The following RXRA variants were observed in gnomAD, a reference collection of about 807,000 sequenced individuals.
RXRA encodes retinoid X receptor alpha.
RXRA carries 5 observed loss-of-function variants against 44.5 expected under a neutral mutation model. That is an observed-to-expected ratio of 0.11 (90% CI 0.06 to 0.24). The LOEUF (loss-of-function observed/expected upper bound fraction) is 0.24. Ranked by LOEUF, RXRA falls within the 10% of genes least tolerant of loss-of-function variation. The pLI, the probability that RXRA is intolerant of heterozygous loss-of-function variation, is 1.00. For synonymous variants in RXRA, 291 were observed against 271.4 expected, an observed-to-expected ratio of 1.07 and a Z score of -0.71; for missense variants, 412 against 646.5, an observed-to-expected ratio of 0.64 and a Z score of 3.93.
chr9:134,403,050 A>AG (rs1830989302), intron 2 of RXRA: 1 of 152,152 alleles, frequency 6.6e-6, no homozygotes, highest in Non-Finnish European at 1.5e-5. Context: ...ATTGCATGTG[A>AG]GGGGGCCAGG....
intron 1 of RXRA, among the ~76,000 whole-genome samples, chr9:134,382,478 T>C (rs1830661151): frequency 6.6e-6 from 1 of 152,150 alleles, no homozygotes; most frequent in Non-Finnish European, 1.5e-5. Flanking sequence ...CAGCCGGTCC[T>C]GCGAGAAAGC....
At chr9:134,373,528 T>C (rs1256469275) in intron 1 of RXRA, among the ~76,000 whole-genome samples, 1 of 152,178 alleles carries the variant, frequency 6.6e-6, no homozygotes, top group African/African-American at 2.4e-5. Flanking sequence ...GTGGTGTGGG[T>C]TTTTTTGACC....
chr9:134,375,489 C>T (rs1210181779), intron 1 of RXRA, among the ~76,000 whole-genome samples: 1 of 152,166 alleles, frequency 6.6e-6, no homozygotes, highest in Non-Finnish European at 1.5e-5. Flanking sequence ...CAGGGGATTC[C>T]AGGCAGGTCC....
chr9:134,352,538 C>T (rs1292473251), intron 1 of RXRA, among the ~76,000 whole-genome samples: 2 of 152,196 alleles, frequency 1.3e-5, no homozygotes, highest in East Asian at 3.9e-4. Context: ...AGTGTGCAGA[C>T]TGTGTGGGAA....
intron 1 of RXRA, among the ~76,000 whole-genome samples, chr9:134,361,082 G>A (rs1335631043): frequency 1.3e-5 from 2 of 152,222 alleles, no homozygotes; most frequent in Admixed American, 6.5e-5. Flanking sequence ...TATCTGATGG[G>A]CAGGAGCTGG....
chr9:134,407,883 G>T lies in RXRA; in HGVS notation c.280-266G>T, dbSNP rs989313924. On this transcript the variant is annotated intron_variant, in intron 2 of 9. Coordinates refer to ENST00000481739, the MANE Select transcript of RXRA (RefSeq NM_002957.6). The surrounding 1 kb of genome is among the most constrained non-coding windows in gnomAD (Gnocchi z 4.8). ...AGGGACCGCCCATGTGTTGGGGGGG[G>T]TGTTGAAGGTCCTTTTCCACAGAGG... Among the ~76,000 whole-genome samples the T allele has an allele frequency of 2.6e-5, 4 of 152,072 alleles. No homozygotes were observed. The highest frequency in any genetic ancestry group is 6.5e-5 in the Admixed American group (1 of 15,282).
intron 4 of RXRA, among the ~76,000 whole-genome samples, chr9:134,410,421 A>G (rs912002409): frequency 1.3e-5 from 2 of 152,124 alleles, no homozygotes; most frequent in Non-Finnish European, 2.9e-5. Context: ...CCCCATCCAG[A>G]CCTTGTTGCT....
At chr9:134,336,157 G>A (rs1420836893) in intron 1 of RXRA, among the ~76,000 whole-genome samples, 7 of 152,144 alleles carry the variant, frequency 4.6e-5, no homozygotes, top group African/African-American at 7.2e-5. Context: ...GTGGCAAGGC[G>A]GGCCTGGCAG....
At chr9:134,413,189 C>T (rs115835942) in intron 4 of RXRA, among the ~76,000 whole-genome samples, 8 of 152,224 alleles carry the variant, frequency 5.3e-5, no homozygotes, top group African/African-American at 1.2e-4. Flanking sequence ...AAGACCCCTG[C>T]GAGCTTGGGG....
At chr9:134,405,707 CAG>C (rs2119150851) in intron 2 of RXRA, 1 of 152,574 alleles carries the variant, frequency 6.6e-6, no homozygotes, top group East Asian at 1.9e-4. Flanking sequence ...CCTGGACCTG[CAG>C]AGTCATGGCC....
intron 1 of RXRA, among the ~76,000 whole-genome samples, chr9:134,383,530 G>A (rs1588277568): frequency 6.6e-6 from 1 of 152,154 alleles, no homozygotes; most frequent in Non-Finnish European, 1.5e-5. Flanking sequence ...AGCTGTCAGT[G>A]AGGCTTGTTG....
intron 1 of RXRA, among the ~76,000 whole-genome samples, chr9:134,346,388 C>T (rs907129866): frequency 1.3e-5 from 2 of 152,198 alleles, no homozygotes; most frequent in African/African-American, 2.4e-5. Context: ...AGGTCTCCCT[C>T]GGCTGTCGGC....
At chr9:134,396,151 C>T (rs1019034914) in intron 1 of RXRA, among the ~76,000 whole-genome samples, 4 of 152,174 alleles carry the variant, frequency 2.6e-5, no homozygotes, top group Non-Finnish European at 5.9e-5. Flanking sequence ...AGGGTCTCTC[C>T]GTCAGGGAGT....
chr9:134,397,954 T>G (rs1226771421), intron 1 of RXRA, among the ~76,000 whole-genome samples: 1 of 152,136 alleles, frequency 6.6e-6, no homozygotes, highest in African/African-American at 2.4e-5. Flanking sequence ...CAAGTGCCCC[T>G]GCAAGTCCAA....
At chr9:134,375,612 C>G (rs1351991261) in intron 1 of RXRA, among the ~76,000 whole-genome samples, 1 of 152,136 alleles carries the variant, frequency 6.6e-6, no homozygotes, top group African/African-American at 2.4e-5. Flanking sequence ...AGTTTTACAG[C>G]TGGGAACACG....
chr9:134,390,443 T>C (rs2119120345), intron 1 of RXRA, among the ~76,000 whole-genome samples: 1 of 152,292 alleles, frequency 6.6e-6, no homozygotes, highest in Middle Eastern at 3.4e-3. Context: ...GGCCAGGCCC[T>C]ACACAGCAGG....
rs1831432368 is a variant in RXRA at position 134,426,228 on chromosome 9, C to G, written c.911-2880C>G. The stretch of plus-strand genomic sequence containing the variant: ...CACTGAGGTCCTCCTTCTGAAAGGC[C>G]AGCGCACCCTGAGCCGTTTAAAGCT... On this transcript the variant is annotated intron_variant, in intron 6 of 9. Coordinates refer to ENST00000481739, the MANE Select transcript of RXRA (RefSeq NM_002957.6). This position sits in a 1 kb window ranked among gnomAD's most constrained non-coding sequence, Gnocchi z 4.6. The G allele has an allele frequency of 1.0e-6, 1 of 985,280 alleles. No individual in the cohort carries two copies. The highest frequency in any genetic ancestry group is 1.2e-6 in the Non-Finnish European group (1 of 829,928). The allele number at this position is 985,280 out of a possible 1,614,324, so 61.0% of individuals were successfully genotyped here.
intron 7 of RXRA, among the ~76,000 whole-genome samples, chr9:134,429,461 C>A (rs979118308): frequency 6.6e-6 from 1 of 152,260 alleles, no homozygotes; most frequent in Non-Finnish European, 1.5e-5. Flanking sequence ...CTTGGCCTAT[C>A]TCCCTCCATC....
intron 6 of RXRA, chr9:134,423,944 C>T: frequency 1.0e-6 from 1 of 985,364 alleles, no homozygotes; most frequent in Non-Finnish European, 1.2e-6. Context: ...CTGGGGATCC[C>T]AGATGGTTGT....
Sources: gnomAD v4.1 joint callset for allele counts (sites outside exome capture counted in the v4.1 genomes callset) on GRCh38, gnomAD v4.1.1 for gene constraint, Gnocchi (gnomAD v3.1) non-coding constraint, MANE v1.5 for transcripts, NCBI Gene and HGNC (gene_info 2026-07-23, HGNC 2026-07-21) for gene names.